The following FAM227B variants were observed in gnomAD, a reference collection of about 807,000 sequenced individuals.
FAM227B encodes protein FAM227B.
FAM227B carries 88 observed loss-of-function variants against 73.8 expected under a neutral mutation model. That is an observed-to-expected ratio of 1.19 (90% CI 1.00 to 1.42). The LOEUF (loss-of-function observed/expected upper bound fraction) is 1.42. Ranked by LOEUF, FAM227B falls within the 40% of genes most tolerant of loss-of-function variation. FAM227B has a pLI of 0.00. For synonymous variants in FAM227B, 210 were observed against 190.5 expected (o/e 1.10, Z -0.84); for missense variants, 632 against 590.9 (o/e 1.07, Z -0.72).
At chr15:49,390,784 AAT>A (rs1313126709) in intron 11 of FAM227B, among the ~76,000 whole-genome samples, 2 of 152,116 alleles carry the variant, frequency 1.3e-5, no homozygotes, top group African/African-American at 4.8e-5. Flanking sequence ...TACATATACA[AAT>A]ATACTGTCCA....
At chr15:49,502,330 A>G (rs577309185) in intron 11 of FAM227B, among the ~76,000 whole-genome samples, 2 of 152,348 alleles carry the variant, frequency 1.3e-5, no homozygotes, top group African/African-American at 4.8e-5. Flanking sequence ...GCAGCTGTGG[A>G]GGCAGAACCC....
At chr15:49,586,770 GA>G (rs1470542983) in intron 5 of FAM227B, among the ~76,000 whole-genome samples, 1 of 151,952 alleles carries the variant, frequency 6.6e-6, no homozygotes, top group Non-Finnish European at 1.5e-5. Flanking sequence ...CAACAAACAT[GA>G]AAAAAACTCA....
At chr15:49,423,702 G>C (rs2049881987) in intron 11 of FAM227B, among the ~76,000 whole-genome samples, 1 of 152,092 alleles carries the variant, frequency 6.6e-6, no homozygotes, top group African/African-American at 2.4e-5. Context: ...AGAAGTCTAG[G>C]GAGAAAGCAG....
At chr15:49,452,370 T>C (rs11634786) in intron 11 of FAM227B, among the ~76,000 whole-genome samples, 86,477 of 151,938 alleles carry the variant, frequency 0.57, 24,816 homozygotes, top group Admixed American at 0.64. Flanking sequence ...GAATTTTAAA[T>C]GCCAGTTACC....
At chr15:49,461,123 G>C (rs1212929624) in intron 11 of FAM227B, among the ~76,000 whole-genome samples, 1 of 152,070 alleles carries the variant, frequency 6.6e-6, no homozygotes. Context: ...CTTCCATCCT[G>C]ATGAACTTCT....
At chr15:49,358,571 C>G (rs2151379262) in intron 13 of FAM227B, among the ~76,000 whole-genome samples, 1 of 149,318 alleles carries the variant, frequency 6.7e-6, no homozygotes, top group South Asian at 2.2e-4. Context: ...CAAACCACTG[C>G]TCAAGGAAAT....
chr15:49,597,317 G>A (rs1417051594), intron 3 of FAM227B, among the ~76,000 whole-genome samples: 1 of 151,916 alleles, frequency 6.6e-6, no homozygotes, highest in Admixed American at 6.6e-5. Context: ...ACTCCAGAAA[G>A]AACCCTTAAA....
chr15:49,470,628 G>A (rs2054655344), intron 11 of FAM227B, among the ~76,000 whole-genome samples: 1 of 152,092 alleles, frequency 6.6e-6, no homozygotes, highest in Non-Finnish European at 1.5e-5. Context: ...AACTTCTTTT[G>A]CTTTAGCCTC....
intron 3 of FAM227B, among the ~76,000 whole-genome samples, chr15:49,597,213 G>A (rs1345452083): frequency 2.0e-5 from 3 of 151,860 alleles, no homozygotes; most frequent in African/African-American, 7.3e-5. Context: ...GATAGACCAT[G>A]TGACAGGCCA....
At chr15:49,448,774 C>A (rs551135888) in intron 11 of FAM227B, among the ~76,000 whole-genome samples, 2 of 151,776 alleles carry the variant, frequency 1.3e-5, no homozygotes, top group African/African-American at 4.8e-5. Context: ...CCCCCAAATA[C>A]CCAGTAGTCT....
Position 49,549,965 on chromosome 15 carries a change from A to AC in FAM227B, c.748-8160dup, listed in dbSNP as rs1339777987. The stretch of plus-strand genomic sequence containing the variant: ...GGGCGGCTGGCCGGGCGGGGGGCTG[A>AC]CCCCCCCACCTCCCTCCCAGACGGG... On this transcript the variant is annotated intron_variant, in intron 9 of 15. Coordinates refer to ENST00000299338, the MANE Select transcript of FAM227B (RefSeq NM_152647.3). Among the ~76,000 whole-genome samples, 27 of 89,880 alleles carry AC rather than the reference A, an allele frequency of 3.0e-4. 1 individual carries two copies. The highest frequency in any genetic ancestry group is 9.5e-4 in the African/African-American group (26 of 27,424). The allele number at this position is 89,880 out of a possible 152,430, so 59.0% of individuals were successfully genotyped here.
At chr15:49,442,857 A>G (rs1172707741) in intron 11 of FAM227B, among the ~76,000 whole-genome samples, 1 of 151,752 alleles carries the variant, frequency 6.6e-6, no homozygotes, top group Non-Finnish European at 1.5e-5. Context: ...AGTCACTACA[A>G]TTCACCAAAT....
At chr15:49,371,254 G>T in intron 12 of FAM227B, 48 bp downstream of exon 12, 2 of 1,135,408 alleles carry the variant, frequency 1.8e-6, no homozygotes, top group Non-Finnish European at 1.3e-6. Flanking sequence ...CAAATATATT[G>T]CAAATTAAAC....
At chr15:49,563,606 A>C (rs1359121946) in intron 9 of FAM227B, among the ~76,000 whole-genome samples, 6 of 152,224 alleles carry the variant, frequency 3.9e-5, no homozygotes, top group Non-Finnish European at 7.3e-5. Context: ...ATAAGGTTAC[A>C]GTAACCAAAA....
chr15:49,366,425 G>T, intron 13 of FAM227B: 1 of 880,058 alleles, frequency 1.1e-6, no homozygotes, highest in Non-Finnish European at 2.0e-6. Context: ...CACCACAACT[G>T]CTTTGTTCTT....
intron 13 of FAM227B, chr15:49,364,974 T>C: frequency 2.7e-6 from 1 of 369,204 alleles, no homozygotes; most frequent in South Asian, 3.9e-5. Context: ...TAATTATTTA[T>C]GATGTAACTG....
At chr15:49,581,802 T>C (rs2075829169) in intron 5 of FAM227B, among the ~76,000 whole-genome samples, 3 of 152,174 alleles carry the variant, frequency 2.0e-5, no homozygotes, top group Admixed American at 6.5e-5. Flanking sequence ...TCAAAGACCG[T>C]TACTAGCCAC....
At chr15:49,336,463 T>C (rs992899066) in intron 13 of FAM227B, among the ~76,000 whole-genome samples, 3 of 152,194 alleles carry the variant, frequency 2.0e-5, no homozygotes, top group Non-Finnish European at 4.4e-5. Context: ...CACTAGGAGC[T>C]CTTAAACCTC....
intron 11 of FAM227B, chr15:49,485,063 T>C (rs1232686472): frequency 6.6e-6 from 1 of 152,080 alleles, no homozygotes; most frequent in African/African-American, 2.4e-5. Context: ...AAAAAACTAT[T>C]ATGAAAGTCA....
Sources: gnomAD v4.1 joint callset for allele counts (sites outside exome capture counted in the v4.1 genomes callset) on GRCh38, gnomAD v4.1.1 for gene constraint, MANE v1.5 for transcripts, NCBI Gene and HGNC (gene_info 2026-07-23, HGNC 2026-07-21) for gene names.